Variants in FIG4 observed in about 807,000 individuals in gnomAD.
FIG4 encodes the protein polyphosphoinositide phosphatase.
Under a neutral mutation model 118.6 loss-of-function variants are expected in FIG4, and 112 were observed. The ratio of observed to expected loss-of-function variants is 0.94; its 90% CI spans 0.81 to 1.11. The LOEUF is 1.11. FIG4 is among the 50% of genes least tolerant of loss of function. The pLI is 0.00. For missense variants in FIG4, 969 were observed against 1,111.7 expected (o/e 0.87, Z 1.83); for synonymous variants, 369 against 381.2 (o/e 0.97, Z 0.37).
At chr6:109,770,404 A>C (rs191122849) in intron 15 of FIG4, among the ~76,000 whole-genome samples, 2 of 152,304 alleles carry the variant, frequency 1.3e-5, no homozygotes, top group Non-Finnish European at 2.9e-5. Flanking sequence ...ATGCGTGTGC[A>C]TAATTTGAAT....
intron 3 of FIG4, among the ~76,000 whole-genome samples, chr6:109,722,315 G>T (rs914363227): frequency 5.9e-5 from 9 of 151,482 alleles, no homozygotes; most frequent in African/African-American, 1.9e-4. Context: ...CATTTTTTTC[G>T]CAGTGGCATG....
At chr6:109,770,050 T>C (rs1562673923) in intron 15 of FIG4, among the ~76,000 whole-genome samples, 1 of 152,200 alleles carries the variant, frequency 6.6e-6, no homozygotes, top group Non-Finnish European at 1.5e-5. Context: ...TTTTAAAAAC[T>C]GTTCTTGAGG....
chr6:109,783,809 A>G (rs1366354187), intron 16 of FIG4, among the ~76,000 whole-genome samples: 1 of 152,216 alleles, frequency 6.6e-6, no homozygotes, highest in Non-Finnish European at 1.5e-5. Context: ...AAGATCCCAA[A>G]GTGATTTACA....
At position 109,691,335 on chromosome 6, in the gene FIG4, G is replaced by T. The variant is rs1325127205; in HGVS notation, c.-101G>T. ...TTAGTGCCTAATGGGTGTTGTTCCT[G>T]GCTGGACTTGATGTCCAGGGCCTGA... On this transcript the variant is annotated 5_prime_UTR_variant, in exon 1 of 23. Coordinates refer to ENST00000230124, the MANE Select transcript of FIG4 (RefSeq NM_014845.6). The T allele has an allele frequency of 1.1e-5, 10 of 941,474 alleles. No individual in the cohort carries two copies. In the Admixed American group the frequency reaches 2.0e-4, roughly 19 times the overall value. The allele number at this position is 941,474 out of a possible 1,614,324, so 58.3% of individuals were successfully genotyped here. A position where few individuals can be genotyped will look rare whatever the true frequency, so the allele number is the denominator to read the frequency against.
chr6:109,717,737 G>A (rs1283696603), intron 3 of FIG4, among the ~76,000 whole-genome samples: 3 of 152,198 alleles, frequency 2.0e-5, no homozygotes, highest in African/African-American at 7.2e-5. Flanking sequence ...GCACATACAT[G>A]AAGGTACCCA....
chr6:109,803,164 G>T (rs1008215007), intron 22 of FIG4, among the ~76,000 whole-genome samples: 1 of 152,164 alleles, frequency 6.6e-6, no homozygotes, highest in Non-Finnish European at 1.5e-5. Flanking sequence ...GTTCTAATCA[G>T]GGGAGCGATA....
In FIG4 at chr6:109,727,393, CT is replaced by C. The variant is rs1040386089; in HGVS notation, c.446+136del. The C allele has an allele frequency of 1.1e-4, 84 of 735,408 alleles. 1 individual carries two copies. The highest frequency in any genetic ancestry group is 2.6e-4 in the South Asian group (17 of 65,380). 45.6% of individuals were successfully genotyped at this position (735,408 alleles called of 1,614,324 possible). ...AGCCTTGGCCTCCCAGGCTCAAGTA[CT>C]TTTTTTTAATGTCGTAGATCAGGTA... On this transcript the variant is annotated intron_variant, in intron 4 of 22. Coordinates refer to ENST00000230124, the MANE Select transcript of FIG4 (RefSeq NM_014845.6).
intron 22 of FIG4, among the ~76,000 whole-genome samples, chr6:109,821,958 T>C (rs1274989753): frequency 2.6e-5 from 4 of 152,122 alleles, no homozygotes; most frequent in Non-Finnish European, 5.9e-5. Flanking sequence ...GAGGATCGCC[T>C]GAGCCCAGGA....
intron 3 of FIG4, among the ~76,000 whole-genome samples, chr6:109,723,645 T>C (rs1470201787): frequency 6.6e-6 from 1 of 152,262 alleles, no homozygotes; most frequent in Non-Finnish European, 1.5e-5. Context: ...TGCATGATTC[T>C]ATTTTTTGGC....
At chr6:109,704,872 G>A (rs766334752) in intron 1 of FIG4, among the ~76,000 whole-genome samples, 5 of 151,968 alleles carry the variant, frequency 3.3e-5, no homozygotes, top group African/African-American at 4.8e-5. Flanking sequence ...GGGAGATGGG[G>A]GGAAAATTGG....
chr6:109,721,795 A>C (rs1277457709), intron 3 of FIG4, among the ~76,000 whole-genome samples: 3 of 152,206 alleles, frequency 2.0e-5, no homozygotes, highest in African/African-American at 7.2e-5. Context: ...CATTTATAAT[A>C]TACTGAAGCC....
chr6:109,795,094 A>ATTTT (rs1562688787), intron 21 of FIG4, among the ~76,000 whole-genome samples: 2 of 77,190 alleles, frequency 2.6e-5, no homozygotes, highest in Admixed American at 1.6e-4. Context: ...TACACTTGCC[A>ATTTT]GTTTTTTTTT....
chr6:109,803,482 A>G (rs1163644847), intron 22 of FIG4, among the ~76,000 whole-genome samples: 3 of 152,200 alleles, frequency 2.0e-5, no homozygotes, highest in Non-Finnish European at 4.4e-5. Flanking sequence ...TTTGGGGGCT[A>G]AGGTAGTGAG....
intron 22 of FIG4, among the ~76,000 whole-genome samples, chr6:109,800,424 C>T (rs1339745136): frequency 6.6e-6 from 1 of 152,102 alleles, no homozygotes; most frequent in East Asian, 1.9e-4. Flanking sequence ...GCATACTGTC[C>T]CTAATGTAGA....
intron 1 of FIG4, among the ~76,000 whole-genome samples, chr6:109,712,801 G>A (rs148361276): frequency 4.3e-4 from 65 of 152,284 alleles, no homozygotes; most frequent in African/African-American, 1.5e-3. Context: ...AGGAAAAAAG[G>A]CACTTCTGGC....
intron 1 of FIG4, among the ~76,000 whole-genome samples, chr6:109,700,753 A>C (rs1267705612): frequency 6.6e-6 from 1 of 152,196 alleles, no homozygotes; most frequent in East Asian, 1.9e-4. Flanking sequence ...GTGTACACAA[A>C]CTTTGTTTCA....
chr6:109,792,504 A>C, intron 20 of FIG4, 78 bp from the exon 21 acceptor site: 1 of 879,928 alleles, frequency 1.1e-6, no homozygotes, highest in Non-Finnish European at 1.9e-6. Context: ...TCACAGTTTC[A>C]TTTTTTTGGG....
chr6:109,754,894 A>G (rs1176676697), intron 10 of FIG4, among the ~76,000 whole-genome samples: 2 of 151,986 alleles, frequency 1.3e-5, no homozygotes, highest in Admixed American at 1.3e-4. Context: ...CAGCTCCTGG[A>G]TTCATTAATT....
At position 109,716,420 on chromosome 6, in the gene FIG4, A is replaced by G. The variant is rs752171894; in HGVS notation, c.166-25A>G. Reference sequence around the variant, plus strand: ...TAATCTAAAGTTTAAGCACAACCTTACAGAGTAAATGTGCTTATTCTTAGC... The same window carrying G: ...TAATCTAAAGTTTAAGCACAACCTTGCAGAGTAAATGTGCTTATTCTTAGC... On this transcript the variant is annotated intron_variant, in intron 2 of 22. Coordinates refer to ENST00000230124, the MANE Select transcript of FIG4 (RefSeq NM_014845.6). 5.0e-6 allele frequency: 8 copies of G among 1,611,416 alleles called. No individual in the cohort carries two copies. The African/African-American group carries it at 6.7e-5, about 13-fold the overall frequency.
Sources: allele counts gnomAD v4.1 joint callset (sites outside exome capture counted in the v4.1 genomes callset), GRCh38; gene constraint gnomAD v4.1.1; transcripts MANE v1.5; gene names NCBI Gene and HGNC (gene_info 2026-07-23, HGNC 2026-07-21).